Variants in KDM7A observed in about 807,000 individuals in gnomAD.
KDM7A encodes lysine-specific demethylase 7A.
KDM7A carries 28 observed loss-of-function variants against 114.8 expected under a neutral mutation model. The observed-to-expected ratio is 0.24, with a 90% CI of 0.18 to 0.33. The LOEUF is 0.33. Among genes scored for constraint, KDM7A ranks in the 10% least tolerant of loss-of-function variants. KDM7A has a pLI of 1.00. For synonymous variants in KDM7A, 423 were observed against 397.8 expected (o/e 1.06, Z -0.75); for missense variants, 942 against 1,142.5 (o/e 0.82, Z 2.53).
intron 1 of KDM7A, among the ~76,000 whole-genome samples, chr7:140,153,014 C>G (rs945870790): frequency 6.6e-6 from 1 of 151,826 alleles, no homozygotes. Flanking sequence ...CACGCGCCAC[C>G]ACACCCAGCT....
chr7:140,164,746 TACTC>T (rs936815889), intron 1 of KDM7A, among the ~76,000 whole-genome samples: 1 of 152,200 alleles, frequency 6.6e-6, no homozygotes, highest in African/African-American at 2.4e-5. Flanking sequence ...CATGCTGAAA[TACTC>T]ACAGATATAA....
In KDM7A at chr7:140,094,994, T is replaced by C. The variant is rs566216419; in HGVS notation, c.2375-856A>G. Among the ~76,000 whole-genome samples the C allele has an allele frequency of 2.6e-5, 4 of 152,312 alleles. No individual in the cohort carries two copies. The South Asian group carries it at 8.3e-4, about 32-fold the overall frequency. ...TCCCAAGTAGCTAGGATTACAGGCATGCGCCACCACGCCCGGCTAATTTTT... is the reference window on the plus strand; with the variant it reads ...TCCCAAGTAGCTAGGATTACAGGCACGCGCCACCACGCCCGGCTAATTTTT... On this transcript the variant is annotated intron_variant, in intron 17 of 19. Coordinates refer to ENST00000397560, the MANE Select transcript of KDM7A (RefSeq NM_030647.2).
At chr7:140,111,342 C>G (rs1479599819) in intron 10 of KDM7A, among the ~76,000 whole-genome samples, 158 bp from the exon 11 acceptor site, 1 of 152,168 alleles carries the variant, frequency 6.6e-6, no homozygotes, top group Admixed American at 6.5e-5. Flanking sequence ...TAGTATAATG[C>G]CTTCTAAGGA....
chr7:140,159,386 T>C (rs1205715498), intron 1 of KDM7A, among the ~76,000 whole-genome samples: 2 of 149,558 alleles, frequency 1.3e-5, no homozygotes, highest in African/African-American at 5.0e-5. Context: ...ATAAAGGATA[T>C]ATGCGTACAA....
chr7:140,127,316 T>C, intron 5 of KDM7A, 126 bp downstream of exon 5: 1 of 820,104 alleles, frequency 1.2e-6, no homozygotes, highest in Non-Finnish European at 1.9e-6. Context: ...ATGCAAAATT[T>C]ATAACATTGC....
chr7:140,120,608 A>C, intron 7 of KDM7A, 79 bp from the exon 8 acceptor site: 1 of 793,624 alleles, frequency 1.3e-6, no homozygotes, highest in South Asian at 1.5e-5. Flanking sequence ...CTGTGAAGTA[A>C]CTCAAAATAT....
At position 140,174,284 on chromosome 7, in the gene KDM7A, G is replaced by A. The variant is rs538814675; in HGVS notation, c.194+2460C>T. Among the ~76,000 whole-genome samples, 11 of 152,254 alleles carry A rather than the reference G, an allele frequency of 7.2e-5. No homozygotes were observed. In the South Asian group the frequency reaches 2.3e-3, roughly 32 times the overall value. ...GACATCTGAACCACATAAGTTTCAA[G>A]GATTGATGGTCAAAAAGACCCTGGG... On this transcript the variant is annotated intron_variant, in intron 1 of 19. Transcript: ENST00000397560.
intron 18 of KDM7A, 24 bp from the exon 19 acceptor site, chr7:140,092,101 G>C: frequency 6.2e-7 from 1 of 1,612,082 alleles, no homozygotes. Context: ...AAGGACATGA[G>C]GCTGAATTTT....
intron 1 of KDM7A, among the ~76,000 whole-genome samples, chr7:140,141,855 T>C (rs1372101720): frequency 1.1e-4 from 17 of 151,034 alleles, no homozygotes; most frequent in Admixed American, 8.6e-4. Context: ...AATCACACCA[T>C]TGCACTCCAG....
intron 9 of KDM7A, among the ~76,000 whole-genome samples, chr7:140,114,401 C>T (rs1011973221): frequency 2.0e-4 from 30 of 152,276 alleles, no homozygotes; most frequent in African/African-American, 7.2e-4. Flanking sequence ...AGCTCCTAAC[C>T]GCGAGTGATC....
rs1817975586 is a variant in KDM7A, at chr7:140,088,866, C to A, written c.*2228G>T. ...TAATTCATAAAAATAAATTAAATTT[C>A]ATTTTAATTCATAAAAATAAAGTTT... On this transcript the variant is annotated 3_prime_UTR_variant, in exon 20 of 20. Coordinates refer to ENST00000397560, the MANE Select transcript of KDM7A (RefSeq NM_030647.2). 5.4e-6 allele frequency: 1 copy of A among 186,900 alleles called. No individual in the cohort carries two copies. Among genetic ancestry groups the A allele is most frequent in the Non-Finnish European group, 1.1e-5 (1 of 91,928 alleles). The allele number at this position is 186,900 out of a possible 1,614,324, so 11.6% of individuals were successfully genotyped here.
intron 1 of KDM7A, among the ~76,000 whole-genome samples, chr7:140,140,718 A>G (rs968625423): frequency 1.3e-5 from 2 of 149,764 alleles, no homozygotes; most frequent in African/African-American, 4.9e-5. Flanking sequence ...AGGTTGCAGT[A>G]GGCAACAGAG....
intron 1 of KDM7A, among the ~76,000 whole-genome samples, chr7:140,170,480 T>C (rs963298626): frequency 6.6e-6 from 1 of 152,220 alleles, no homozygotes; most frequent in African/African-American, 2.4e-5. Context: ...CTTGACAGCA[T>C]GAGCACCGGA....
At chr7:140,092,225 C>G (rs1304394036) in intron 18 of KDM7A, 148 bp from the exon 19 acceptor site, 2 of 696,340 alleles carry the variant, frequency 2.9e-6, no homozygotes, top group African/African-American at 3.6e-5. Context: ...GATGACCACT[C>G]CTGCATGATG....
At chr7:140,163,432 A>G (rs1189706588) in intron 1 of KDM7A, among the ~76,000 whole-genome samples, 1 of 152,072 alleles carries the variant, frequency 6.6e-6, no homozygotes, top group Non-Finnish European at 1.5e-5. Context: ...CTACAGGCAC[A>G]TGCCACCACA....
chr7:140,121,373 G>T (rs560459129), intron 7 of KDM7A, among the ~76,000 whole-genome samples: 1 of 152,232 alleles, frequency 6.6e-6, no homozygotes, highest in African/African-American at 2.4e-5. Flanking sequence ...CGTTTTCTTT[G>T]TATTTTTCAT....
chr7:140,094,563 A>C, intron 17 of KDM7A: 1 of 172,378 alleles, frequency 5.8e-6, no homozygotes, highest in Non-Finnish European at 1.3e-5. Context: ...AAACACATTA[A>C]CTCTTTAGAT....
rs1391376114 is a variant in KDM7A at position 140,089,779 on chromosome 7, G to A, written c.*1315C>T. ...ACTTAACCTCAATATGTACTGGTCA[G>A]GTTAGGATAGATGGAAGAAACTGCC... On this transcript the variant is annotated 3_prime_UTR_variant, in exon 20 of 20. Transcript: ENST00000397560. 3 of 152,100 alleles carry A rather than the reference G, an allele frequency of 2.0e-5. No individual in the cohort carries two copies. The highest frequency in any genetic ancestry group is 4.4e-5 in the Non-Finnish European group (3 of 68,016). The allele number at this position is 152,100 out of a possible 1,614,324, so 9.4% of individuals were successfully genotyped here. A position where few individuals can be genotyped will look rare whatever the true frequency, so the allele number is the denominator to read the frequency against.
rs565221230 is a variant in KDM7A, at chr7:140,105,629, G to A, written c.1429-3469C>T. ...ATGTTGAACCAGTCTTGCATCCCAG[G>A]GATGAAGCTGACTTGATCGTGGTGG... On this transcript the variant is annotated intron_variant, in intron 11 of 19. Coordinates refer to ENST00000397560, the MANE Select transcript of KDM7A (RefSeq NM_030647.2). Among the ~76,000 whole-genome samples, 11 of 152,286 alleles carry A rather than the reference G, an allele frequency of 7.2e-5. No homozygotes were observed. In the East Asian group the frequency reaches 1.9e-3, roughly 27 times the overall value.
Sources: allele counts gnomAD v4.1 joint callset (sites outside exome capture counted in the v4.1 genomes callset), GRCh38; gene constraint gnomAD v4.1.1; transcripts MANE v1.5; gene names NCBI Gene and HGNC (gene_info 2026-07-23, HGNC 2026-07-21).